TMEM117: variants seen among roughly 807,000 people sequenced by gnomAD.
The protein encoded by TMEM117 is transmembrane protein 117.
In TMEM117, 27 loss-of-function variants were observed where a neutral mutation model predicts 52.4. The observed-to-expected ratio is 0.51, with a 90% CI of 0.38 to 0.71. TMEM117 has a LOEUF of 0.71. Among genes scored for constraint, TMEM117 ranks in the 30% least tolerant of loss-of-function variants. The pLI, the probability that TMEM117 is intolerant of heterozygous loss-of-function variation, is 0.00. For missense variants in TMEM117, 556 were observed against 630.5 expected (o/e 0.88, Z 1.26); for synonymous variants, 215 against 206.3 (o/e 1.04, Z -0.36).
intron 3 of TMEM117, chr12:44,008,802 A>G: frequency 2.2e-6 from 1 of 446,230 alleles, no homozygotes; most frequent in South Asian, 1.8e-5. Context: ...CATTCATGAC[A>G]TTTAAAGGAC....
chr12:44,334,511 T>C (rs767974488), intron 6 of TMEM117, among the ~76,000 whole-genome samples: 1 of 152,016 alleles, frequency 6.6e-6, no homozygotes, highest in African/African-American at 2.4e-5. Flanking sequence ...TTAATCACCT[T>C]GGAAAGCTGA....
chr12:43,944,665 T>G (rs1190246490), intron 3 of TMEM117, among the ~76,000 whole-genome samples: 1 of 152,156 alleles, frequency 6.6e-6, no homozygotes, highest in African/African-American at 2.4e-5. Context: ...TATATTCAAA[T>G]GATTCATAGA....
At chr12:44,324,937 TG>T (rs1021695509) in intron 6 of TMEM117, among the ~76,000 whole-genome samples, 20 of 152,316 alleles carry the variant, frequency 1.3e-4, no homozygotes, top group Admixed American at 3.3e-4. Flanking sequence ...GAAGTGGAAT[TG>T]TTGGTTGAAC....
chr12:43,978,448 C>T (rs1246903440), intron 3 of TMEM117, among the ~76,000 whole-genome samples: 1 of 152,124 alleles, frequency 6.6e-6, no homozygotes, highest in Non-Finnish European at 1.5e-5. Context: ...CTAACTTCAG[C>T]TCTCTGAATG....
chr12:44,295,273 G>A (rs1950753659), intron 5 of TMEM117, among the ~76,000 whole-genome samples: 1 of 152,078 alleles, frequency 6.6e-6, no homozygotes, highest in Non-Finnish European at 1.5e-5. Flanking sequence ...GTGTGATCTT[G>A]GCTCACTGCA....
intron 3 of TMEM117, among the ~76,000 whole-genome samples, chr12:44,047,554 A>G (rs1402229395): frequency 1.3e-5 from 2 of 152,130 alleles, no homozygotes; most frequent in Non-Finnish European, 2.9e-5. Flanking sequence ...TGTAGGGTGT[A>G]TTTTATTTTC....
intron 3 of TMEM117, among the ~76,000 whole-genome samples, chr12:43,964,779 T>C (rs1945458382): frequency 6.6e-6 from 1 of 152,248 alleles, no homozygotes; most frequent in Non-Finnish European, 1.5e-5. Context: ...TACATTCTGA[T>C]ACGGTCACTA....
chr12:43,806,300 C>T, the TMEM117 span: 2 of 1,449,144 alleles, frequency 1.4e-6, no homozygotes, highest in South Asian at 2.7e-5. Context: ...CGGCCCCGGC[C>T]GGCGGCCCCA....
intron 2 of TMEM117, among the ~76,000 whole-genome samples, chr12:43,910,526 A>C (rs1311013947): frequency 6.7e-6 from 1 of 149,270 alleles, no homozygotes; most frequent in Non-Finnish European, 1.5e-5. Flanking sequence ...AATAAAGGGT[A>C]TTCAATTAGG....
intron 2 of TMEM117, among the ~76,000 whole-genome samples, chr12:43,930,639 C>T (rs1251565000): frequency 6.6e-6 from 1 of 152,198 alleles, no homozygotes; most frequent in Non-Finnish European, 1.5e-5. Flanking sequence ...GATAAATACA[C>T]TTGCTAGGTA....
At chr12:44,034,799 T>G (rs1055592119) in intron 3 of TMEM117, among the ~76,000 whole-genome samples, 1 of 152,182 alleles carries the variant, frequency 6.6e-6, no homozygotes, top group Non-Finnish European at 1.5e-5. Context: ...CCAGATTAAT[T>G]ATCAGTTCTG....
chr12:44,208,394 A>G (rs1949599102), intron 4 of TMEM117, among the ~76,000 whole-genome samples: 1 of 152,126 alleles, frequency 6.6e-6, no homozygotes, highest in Non-Finnish European at 1.5e-5. Context: ...AAAGATTTGC[A>G]ATTTCAAATT....
At chr12:44,373,370 G>T (rs1951890893) in intron 6 of TMEM117, among the ~76,000 whole-genome samples, 1 of 152,236 alleles carries the variant, frequency 6.6e-6, no homozygotes, top group Non-Finnish European at 1.5e-5. Flanking sequence ...CAAGTCCTGG[G>T]CAAAGGCCCC....
chr12:43,844,246 G>C (rs1046311106), intron 1 of TMEM117, among the ~76,000 whole-genome samples: 5 of 152,212 alleles, frequency 3.3e-5, no homozygotes, highest in Admixed American at 2.6e-4. Flanking sequence ...AGGATCACTT[G>C]AGCCCAGGAG....
At chr12:44,227,740 C>CTATT (rs1341972821) in intron 5 of TMEM117, among the ~76,000 whole-genome samples, 9 of 152,230 alleles carry the variant, frequency 5.9e-5, no homozygotes, top group Non-Finnish European at 1.2e-4. Context: ...CAGGCTCCTC[C>CTATT]AATAGACTCA....
chr12:44,381,729 T>C (rs1952023665), intron 7 of TMEM117, among the ~76,000 whole-genome samples: 1 of 152,096 alleles, frequency 6.6e-6, no homozygotes, highest in Admixed American at 6.6e-5. Flanking sequence ...TTTACAATGG[T>C]GAGAATGTGG....
At chr12:44,305,523 AAAGAC>A (rs1950893273) in intron 6 of TMEM117, among the ~76,000 whole-genome samples, 1 of 152,196 alleles carries the variant, frequency 6.6e-6, no homozygotes, top group African/African-American at 2.4e-5. Flanking sequence ...CAAAAAAAAA[AAAGAC>A]AAGCAGCCAA....
chr12:43,919,273 A>G (rs1400772101), intron 2 of TMEM117, among the ~76,000 whole-genome samples: 1 of 152,196 alleles, frequency 6.6e-6, no homozygotes, highest in Non-Finnish European at 1.5e-5. Context: ...CTGGAACTTT[A>G]TGCCCGTTGA....
chr12:43,921,249 T>G (rs1178715177), intron 2 of TMEM117, among the ~76,000 whole-genome samples: 2 of 152,200 alleles, frequency 1.3e-5, no homozygotes, highest in African/African-American at 4.8e-5. Context: ...ATATTTTTCT[T>G]TCTGATTATT....
Sources: allele counts gnomAD v4.1 joint callset (sites outside exome capture counted in the v4.1 genomes callset), GRCh38; gene constraint gnomAD v4.1.1; transcripts MANE v1.5; gene names NCBI Gene and HGNC (gene_info 2026-07-23, HGNC 2026-07-21).